MME: variants seen among roughly 807,000 people sequenced by gnomAD.
MME encodes neprilysin.
In MME, 98 loss-of-function variants were observed where a neutral mutation model predicts 113.2. That is an observed-to-expected ratio of 0.87 (90% CI 0.74 to 1.02). MME has a LOEUF of 1.02. Ranked by LOEUF, MME falls within the 50% of genes least tolerant of loss-of-function variation. MME has a pLI of 0.00. For synonymous variants in MME, 292 were observed against 300.6 expected (o/e 0.97, Z 0.30); for missense variants, 836 against 896.0 (o/e 0.93, Z 0.86).
In MME at chr3:155,119,063, C is replaced by T. The variant is rs550349586; in HGVS notation, c.720+252C>T. Among the ~76,000 whole-genome samples, 13 of 152,268 alleles carry T rather than the reference C, an allele frequency of 8.5e-5. No individual in the cohort carries two copies. In the East Asian group the frequency reaches 2.3e-3, roughly 27 times the overall value. ...GTATCTTGGTTTTTAGTATTTAAAA[C>T]ATATGATCGATTTTGAAAAGTTAAT... On this transcript the variant is annotated intron_variant, in intron 8 of 22. Transcript: ENST00000360490.
At chr3:155,151,005 G>A (rs1576647628) in intron 16 of MME, among the ~76,000 whole-genome samples, 1 of 152,012 alleles carries the variant, frequency 6.6e-6, no homozygotes. Context: ...AAGTTGGCTG[G>A]ACATGGTGGC....
In MME at chr3:155,168,353, G is replaced by A. The variant is rs1010594808; in HGVS notation, c.1781-139G>A. The A allele has an allele frequency of 1.3e-5, 10 of 794,744 alleles. No individual in the cohort carries two copies. The East Asian group carries it at 2.7e-4, about 21-fold the overall frequency. The allele number at this position is 794,744 out of a possible 1,614,324, so 49.2% of individuals were successfully genotyped here. On this transcript the variant is annotated intron_variant, in intron 18 of 22. Coordinates refer to ENST00000360490, the MANE Select transcript of MME (RefSeq NM_007289.4). ...CTTTGCCAACTCTGTGATGAGGAGG[G>A]ATGACAGTCTCTCTCATCGTCTGCC...
At chr3:155,063,245 A>ATATGT (rs1246280068) in intron 1 of MME, among the ~76,000 whole-genome samples, 60 of 117,354 alleles carry the variant, frequency 5.1e-4, no homozygotes, top group African/African-American at 1.9e-3. Flanking sequence ...TATATTATAT[A>ATATGT]ATAATATACA....
At chr3:155,101,075 G>A (rs758868228) in intron 3 of MME, among the ~76,000 whole-genome samples, 2 of 152,042 alleles carry the variant, frequency 1.3e-5, no homozygotes, top group Admixed American at 1.3e-4. Flanking sequence ...ATAAGTGTGT[G>A]GAACCCCCCC....
At chr3:155,103,854 A>G (rs1717466104) in intron 3 of MME, among the ~76,000 whole-genome samples, 1 of 152,204 alleles carries the variant, frequency 6.6e-6, no homozygotes, top group African/African-American at 2.4e-5. Flanking sequence ...CATAACACAC[A>G]AATTCAAATT....
exon 1 of MME, chr3:155,024,220 C>T (rs1576656021): frequency 6.6e-6 from 1 of 152,150 alleles, no homozygotes; most frequent in East Asian, 1.9e-4. Flanking sequence ...CCTACCATGG[C>T]TGGGGATACA....
At chr3:155,168,709 T>C in intron 19 of MME, 23 bp from the exon 20 acceptor site, 3 of 1,612,030 alleles carry the variant, frequency 1.9e-6, no homozygotes, top group Non-Finnish European at 2.5e-6. Flanking sequence ...TTAACAATCC[T>C]AATAAAGTGT....
At chr3:155,106,135 G>A (rs1438561338) in intron 3 of MME, among the ~76,000 whole-genome samples, 2 of 152,200 alleles carry the variant, frequency 1.3e-5, no homozygotes, top group African/African-American at 4.8e-5. Context: ...GCTGTACAGA[G>A]TAAATTCACT....
chr3:155,145,193 T>C (rs1721410545), intron 14 of MME, among the ~76,000 whole-genome samples: 1 of 152,148 alleles, frequency 6.6e-6, no homozygotes, highest in African/African-American at 2.4e-5. Context: ...TGGCCAGCTC[T>C]TCAGACATTC....
rs189685750 is a variant in MME, at chr3:155,053,164, C to T, written c.-11+28840C>T. ...TTTCCCACATTTTCCTGTCTTCTTC[C>T]GAGCCCACCAAACGGTTCCAGTCTC... is the stretch of plus-strand genomic sequence containing the variant. On this transcript the variant is annotated intron_variant, in intron 1 of 22. Coordinates refer to the MME transcript ENST00000492661. Among the ~76,000 whole-genome samples the T allele has an allele frequency of 1.5e-3, 224 of 152,220 alleles. 1 individual carries two copies. The highest frequency in any genetic ancestry group is 9.6e-4 in the African/African-American group (40 of 41,532).
intron 1 of MME, among the ~76,000 whole-genome samples, chr3:155,037,183 C>T (rs983914860): frequency 9.2e-5 from 14 of 152,178 alleles, no homozygotes; most frequent in Non-Finnish European, 1.9e-4. Flanking sequence ...ATTGTTTTTA[C>T]TAATACCTGG....
chr3:155,133,062 A>ATATATATATATATAT (rs376436889), intron 8 of MME, among the ~76,000 whole-genome samples: 24 of 75,068 alleles, frequency 3.2e-4, no homozygotes, highest in African/African-American at 7.2e-4. Flanking sequence ...AAAAAAAAAA[A>ATATATATATATATAT]ATATATATAT....
At position 155,085,158 on chromosome 3, in the gene MME, T is replaced by C. The variant is rs1363125700; in HGVS notation, c.196+64T>C. The C allele has an allele frequency of 2.9e-6, 3 of 1,045,082 alleles. No individual in the cohort carries two copies. In the African/African-American group the frequency reaches 4.8e-5, roughly 17 times the overall value. 64.7% of individuals were successfully genotyped at this position (1,045,082 alleles called of 1,614,324 possible). ...ATGTATAATATTTAAAATTAAATGCTAATCTTAATTTGCTTTGTTTACACT... is the reference window on the plus strand; with the variant it reads ...ATGTATAATATTTAAAATTAAATGCCAATCTTAATTTGCTTTGTTTACACT... On this transcript the variant is annotated intron_variant, in intron 3 of 22. Transcript: ENST00000360490.
At chr3:155,092,700 A>G (rs1217899524) in intron 3 of MME, among the ~76,000 whole-genome samples, 1 of 152,224 alleles carries the variant, frequency 6.6e-6, no homozygotes, top group African/African-American at 2.4e-5. Flanking sequence ...GTTATGTGCA[A>G]TGGTGTAGAT....
At chr3:155,083,885 G>A in intron 1 of MME, 1 of 396,966 alleles carries the variant, frequency 2.5e-6, no homozygotes, top group Admixed American at 3.8e-5. Flanking sequence ...AAGTCTTACT[G>A]TCTAATTTTG....
chr3:155,062,846 G>T lies in MME; in HGVS notation c.-10-21312G>T, dbSNP rs866677506. On this transcript the variant is annotated intron_variant, in intron 1 of 22. Coordinates refer to the MME transcript ENST00000492661. Reference sequence around the variant, plus strand: ...AGGTCAGGAGTTCGAGACCACCCTGGCCAACATGGTGAAACCCTGTCTCTA... The same window carrying T: ...AGGTCAGGAGTTCGAGACCACCCTGTCCAACATGGTGAAACCCTGTCTCTA... Among the ~76,000 whole-genome samples, 12 of 151,620 alleles carry T rather than the reference G, an allele frequency of 7.9e-5. 1 individual carries two copies. Among genetic ancestry groups the T allele is most frequent in the Middle Eastern group, 6.8e-3 (2 of 294 alleles).
At chr3:155,095,971 C>G (rs1559914300) in intron 3 of MME, among the ~76,000 whole-genome samples, 1 of 152,078 alleles carries the variant, frequency 6.6e-6, no homozygotes, top group African/African-American at 2.4e-5. Context: ...CAGCTAAGTT[C>G]TGAAGGATAA....
Position 155,115,083 on chromosome 3 carries a change from G to T in MME, c.286G>T (p.Val96Phe). The T allele has an allele frequency of 6.2e-7, 1 of 1,614,110 alleles. No individual in the cohort carries two copies. The highest frequency in any genetic ancestry group is 1.1e-5 in the South Asian group (1 of 91,080). Residue 96 changes from valine to phenylalanine, a missense_variant, in exon 4 of 23, where the codon GTC (valine) becomes TTC (phenylalanine). Physicochemically the swap from Val to Phe is conservative, Grantham distance 50. Transcript: ENST00000360490. ...TTGCGGAGGCTGGTTGAAACGTAAT[G>T]TCATTCCCGAGACCAGCTCCCGTTA... ...YACGGWLKRN[V>F]IPETSSRYGN...
intron 8 of MME, among the ~76,000 whole-genome samples, chr3:155,131,116 C>A (rs765612012): frequency 6.6e-6 from 1 of 152,100 alleles, no homozygotes; most frequent in Non-Finnish European, 1.5e-5. Flanking sequence ...TTGCTGAAAC[C>A]ATCTCTGGCT....
Sources: allele counts gnomAD v4.1 joint callset (sites outside exome capture counted in the v4.1 genomes callset), GRCh38; gene constraint gnomAD v4.1.1; transcripts MANE v1.5; gene names NCBI Gene and HGNC (gene_info 2026-07-23, HGNC 2026-07-21).